TENM2: variants seen among roughly 807,000 people sequenced by gnomAD.
TENM2 encodes the protein teneurin transmembrane protein 2, also known as teneurin-2.
In TENM2, 52 loss-of-function variants were observed where a neutral mutation model predicts 245.2. The observed-to-expected ratio is 0.21, with a 90% CI of 0.17 to 0.27. The LOEUF (loss-of-function observed/expected upper bound fraction) is 0.27. TENM2 is among the 10% of genes least tolerant of loss of function. The pLI, the probability that TENM2 is intolerant of heterozygous loss-of-function variation, is 1.00. For missense variants in TENM2, 3,046 were observed against 3,666.8 expected, an observed-to-expected ratio of 0.83 and a Z score of 4.37; for synonymous variants, 1,363 against 1,438.9, an observed-to-expected ratio of 0.95 and a Z score of 1.19.
intron 2 of TENM2, among the ~76,000 whole-genome samples, chr5:167,421,656 T>G (rs780350653): frequency 2.4e-4 from 36 of 152,290 alleles, no homozygotes; most frequent in Non-Finnish European, 4.9e-4. Context: ...GACTCCTAGA[T>G]AGTTCACAAT....
intron 2 of TENM2, among the ~76,000 whole-genome samples, chr5:167,424,815 CA>C (rs1289767907): frequency 6.6e-6 from 1 of 152,120 alleles, no homozygotes; most frequent in Non-Finnish European, 1.5e-5. Flanking sequence ...ATTCCAAAAT[CA>C]TTGAAAATAT....
chr5:167,938,129 A>G (rs1656042858), intron 3 of TENM2: 1 of 152,248 alleles, frequency 6.6e-6, no homozygotes, highest in Non-Finnish European at 1.5e-5. Flanking sequence ...TAAATACCAC[A>G]TTCAGTTGAA....
chr5:167,885,129 C>A (rs1470898387), intron 3 of TENM2, among the ~76,000 whole-genome samples: 1 of 152,040 alleles, frequency 6.6e-6, no homozygotes, highest in Non-Finnish European at 1.5e-5. Flanking sequence ...TGTAGGAATT[C>A]TTTATATATT....
intron 2 of TENM2, among the ~76,000 whole-genome samples, chr5:167,519,225 G>A (rs1393298031): frequency 6.6e-6 from 1 of 152,002 alleles, no homozygotes; most frequent in Non-Finnish European, 1.5e-5. Flanking sequence ...TTCTTATCCA[G>A]GTTAGAACTT....
chr5:167,572,194 G>A (rs1400345632), intron 2 of TENM2, among the ~76,000 whole-genome samples: 1 of 152,196 alleles, frequency 6.6e-6, no homozygotes, highest in Non-Finnish European at 1.5e-5. Context: ...ATGACACTTC[G>A]AGTTTAACAA....
At chr5:168,047,674 A>G (rs1788726909) in intron 6 of TENM2, 125 bp downstream of exon 8, 2 of 1,191,450 alleles carry the variant, frequency 1.7e-6, no homozygotes, top group Non-Finnish European at 2.3e-6. Context: ...ACGGGGGGAA[A>G]AATCATTGCC....
At chr5:168,042,055 G>A (rs1349817565) in intron 5 of TENM2, among the ~76,000 whole-genome samples, 2 of 152,276 alleles carry the variant, frequency 1.3e-5, no homozygotes, top group East Asian at 3.9e-4. Flanking sequence ...CCCCGACATT[G>A]TTGACTTAAT....
chr5:168,133,395 A>G (rs541330179), intron 12 of TENM2, among the ~76,000 whole-genome samples: 2 of 152,352 alleles, frequency 1.3e-5, no homozygotes, highest in East Asian at 3.9e-4. Context: ...TGAATTTAGA[A>G]CACATTTGAA....
intron 1 of TENM2, among the ~76,000 whole-genome samples, chr5:167,342,538 T>TTG (rs1441942292): frequency 8.1e-6 from 1 of 122,862 alleles, no homozygotes; most frequent in African/African-American, 3.1e-5. Flanking sequence ...TTTTTTTTTT[T>TTG]GAGACGGAGT....
intron 25 of TENM2, among the ~76,000 whole-genome samples, chr5:168,233,419 G>C (rs894457844): frequency 6.6e-6 from 1 of 152,196 alleles, no homozygotes; most frequent in Non-Finnish European, 1.5e-5. Flanking sequence ...AGTGCCATGT[G>C]GTGGGTACTC....
intron 1 of TENM2, among the ~76,000 whole-genome samples, chr5:167,350,813 C>CATACGGATATATAT (rs1758834398): frequency 8.7e-6 from 1 of 114,576 alleles, no homozygotes; most frequent in Non-Finnish European, 1.8e-5. Context: ...GGGATATATA[C>CATACGGATATATAT]ATATGGATAT....
intron 4 of TENM2, among the ~76,000 whole-genome samples, chr5:167,983,644 C>T (rs1386308153): frequency 2.6e-5 from 4 of 152,178 alleles, no homozygotes; most frequent in Non-Finnish European, 4.4e-5. Context: ...CTTTTGACTA[C>T]ACTAATTGGG....
the TENM2 span, among the ~76,000 whole-genome samples, chr5:167,001,035 A>G: frequency 6.6e-6 from 1 of 151,936 alleles, no homozygotes; most frequent in African/African-American, 2.4e-5. Flanking sequence ...TTGTTGATTG[A>G]TTGATTGATT....
chr5:167,422,659 A>G (rs771555328), intron 2 of TENM2, among the ~76,000 whole-genome samples: 1 of 152,214 alleles, frequency 6.6e-6, no homozygotes, highest in African/African-American at 2.4e-5. Context: ...TGCCACTGAT[A>G]GCAACAGTCT....
the TENM2 span, among the ~76,000 whole-genome samples, chr5:167,253,565 A>T: frequency 1.3e-5 from 2 of 152,152 alleles, no homozygotes; most frequent in Non-Finnish European, 2.9e-5. Flanking sequence ...GTATTAGAAT[A>T]GCTGTGAATT....
intron 2 of TENM2, among the ~76,000 whole-genome samples, chr5:167,701,353 C>A (rs559916586): frequency 6.6e-6 from 1 of 151,050 alleles, no homozygotes; most frequent in East Asian, 1.9e-4. Context: ...AAAGGTAGAA[C>A]CATGTGATGT....
chr5:168,066,333 A>G (rs1790506239), intron 7 of TENM2, among the ~76,000 whole-genome samples: 1 of 152,206 alleles, frequency 6.6e-6, no homozygotes, highest in Admixed American at 6.5e-5. Flanking sequence ...GGAGGAGGAC[A>G]TACCATCAGA....
intron 4 of TENM2, among the ~76,000 whole-genome samples, chr5:167,961,607 T>C (rs555068191): frequency 1.3e-5 from 2 of 152,352 alleles, no homozygotes; most frequent in African/African-American, 4.8e-5. Flanking sequence ...TCAGTTGTTA[T>C]TGTTTAGTTT....
intron 12 of TENM2, among the ~76,000 whole-genome samples, chr5:168,156,252 A>AACAAAAC (rs1757155020): frequency 6.7e-6 from 1 of 149,394 alleles, no homozygotes; most frequent in Non-Finnish European, 1.5e-5. Flanking sequence ...ATAGTTAAAA[A>AACAAAAC]AAAAAAAAAA....
Sources: allele counts gnomAD v4.1 joint callset (sites outside exome capture counted in the v4.1 genomes callset), GRCh38; gene constraint gnomAD v4.1.1; transcripts MANE v1.5; gene names NCBI Gene and HGNC (gene_info 2026-07-23, HGNC 2026-07-21).